ELF2: variants seen among roughly 807,000 people sequenced by gnomAD.
ELF2 encodes the protein E74 like ETS transcription factor 2.
A neutral mutation model predicts 54.8 loss-of-function variants in ELF2; 11 were observed. The ratio of observed to expected loss-of-function variants is 0.20; its 90% CI spans 0.13 to 0.33. The LOEUF is 0.33. ELF2 is among the 10% of genes least tolerant of loss of function. The probability of loss-of-function intolerance (pLI) is 1.00; values close to 1 mark genes in which losing one functional copy is unlikely to be tolerated. For synonymous variants in ELF2, 203 were observed against 245.1 expected (o/e 0.83, Z 1.61); for missense variants, 513 against 703.0 (o/e 0.73, Z 3.06).
Position 139,094,432 on chromosome 4 carries a change from G to A in ELF2, c.239-20865C>T, listed in dbSNP as rs537514207. ...TAAATTTTGGAGTGGTTTGCAGCAC[G>A]AGGATAAAAGTAGGAACTGAAGGTT... is the stretch of plus-strand genomic sequence containing the variant. On this transcript the variant is annotated intron_variant, in intron 4 of 9. Transcript: ENST00000686138. 5.9e-5 allele frequency among the ~76,000 whole-genome samples: 9 copies of A among 152,270 alleles called. No homozygotes were observed. In the East Asian group the frequency reaches 9.7e-4, roughly 16 times the overall value.
intron 1 of ELF2, among the ~76,000 whole-genome samples, chr4:139,161,265 T>G (rs1741113546): frequency 6.6e-6 from 1 of 152,178 alleles, no homozygotes; most frequent in Non-Finnish European, 1.5e-5. Flanking sequence ...TGGTTTTAAA[T>G]TTATTGATGA....
chr4:139,088,398 C>A lies in ELF2; in HGVS notation c.239-14831G>T, dbSNP rs73852766. ...GATTAACCAATTTCTTCCTTTCTTA[C>A]AATACTTTCTGAACTCTACCCACTG... is the stretch of plus-strand genomic sequence containing the variant. On this transcript the variant is annotated intron_variant, in intron 4 of 9. Coordinates refer to ENST00000686138, the MANE Select transcript of ELF2 (RefSeq NM_001331036.3). Among the ~76,000 whole-genome samples the A allele has an allele frequency of 3.7e-3, 559 of 151,848 alleles. 4 individuals carry two copies. The highest frequency in any genetic ancestry group is 0.013 in the African/African-American group (519 of 41,408).
At chr4:139,177,788 C>T (rs1209424618), upstream of ELF2, among the ~76,000 whole-genome samples, 1 of 152,196 alleles carries the variant, frequency 6.6e-6, no homozygotes, top group Admixed American at 6.5e-5. Context: ...CAACTCAGGA[C>T]TCTCGCCCTT....
At chr4:139,123,087 G>A (rs901926991) in intron 4 of ELF2, among the ~76,000 whole-genome samples, 2 of 151,626 alleles carry the variant, frequency 1.3e-5, no homozygotes, top group African/African-American at 2.4e-5. Context: ...GGGAGGCTGA[G>A]GCAGGAGAAT....
intron 4 of ELF2, among the ~76,000 whole-genome samples, chr4:139,103,357 G>A (rs187594603): frequency 4.6e-4 from 70 of 152,300 alleles, no homozygotes; most frequent in African/African-American, 1.6e-3. Flanking sequence ...GAAAGACCAA[G>A]GCAGGATTAT....
rs1727390641 is a variant in ELF2 at position 139,058,894 on chromosome 4, CTTCT to C, written c.*85_*88del. ...ATATGCATTAAAAATGTTTTAAAGTCTTCTTTGACTTTTCTTGATGACTTCCCTT... is the reference window on the plus strand; with the variant it reads ...ATATGCATTAAAAATGTTTTAAAGTCTTGACTTTTCTTGATGACTTCCCTT... On this transcript the variant is annotated 3_prime_UTR_variant, in exon 10 of 10. Coordinates refer to ENST00000686138, the MANE Select transcript of ELF2 (RefSeq NM_001331036.3). 1 of 1,499,850 alleles carries C rather than the reference CTTCT, an allele frequency of 6.7e-7. No homozygotes were observed. Among genetic ancestry groups the C allele is most frequent in the Non-Finnish European group, 8.9e-7 (1 of 1,125,422 alleles). The allele number at this position is 1,499,850 out of a possible 1,614,324, so 92.9% of individuals were successfully genotyped here.
intron 3 of ELF2, among the ~76,000 whole-genome samples, chr4:139,129,897 C>T (rs1419325265): frequency 6.6e-6 from 1 of 152,134 alleles, no homozygotes; most frequent in Non-Finnish European, 1.5e-5. Flanking sequence ...CTTTAACACT[C>T]TGAAATATAA....
rs369110308 is a variant in ELF2, at chr4:139,143,206, T to C, written c.-251-3709A>G. Among the ~76,000 whole-genome samples the C allele has an allele frequency of 2.8e-4, 43 of 152,244 alleles. 1 individual carries two copies. The East Asian group carries it at 7.5e-3, about 27-fold the overall frequency. On this transcript the variant is annotated intron_variant, in intron 1 of 9. Coordinates refer to ENST00000686138, the MANE Select transcript of ELF2 (RefSeq NM_001331036.3). ...TACCACCCATCCCCCAACTCGAGGG[T>C]AGACAGCTGTGCATGTGTTCCTGGA...
intron 4 of ELF2, among the ~76,000 whole-genome samples, chr4:139,098,757 C>T (rs1276116691): frequency 1.3e-5 from 2 of 152,184 alleles, no homozygotes; most frequent in East Asian, 3.8e-4. Context: ...CATGAGCCAC[C>T]GTGCCCGGCC....
chr4:139,104,170 G>A (rs1299370206), intron 4 of ELF2, among the ~76,000 whole-genome samples: 1 of 151,962 alleles, frequency 6.6e-6, no homozygotes, highest in African/African-American at 2.4e-5. Flanking sequence ...GAAAATAAAG[G>A]CTATAAAGCT....
chr4:139,114,968 G>T (rs544283094), intron 4 of ELF2: 2 of 1,613,630 alleles, frequency 1.2e-6, no homozygotes, highest in Non-Finnish European at 1.7e-6. Context: ...TGCATGCCCC[G>T]GATCTTGTCC....
Position 139,057,489 on chromosome 4 carries a change from A to G in ELF2, c.*1494T>C, listed in dbSNP as rs928615930. The G allele has an allele frequency of 1.3e-5, 2 of 152,248 alleles. No individual in the cohort carries two copies. Among genetic ancestry groups the G allele is most frequent in the Non-Finnish European group, 2.9e-5 (2 of 68,036 alleles). The allele number at this position is 152,248 out of a possible 1,614,324, so 9.4% of individuals were successfully genotyped here. A position where few individuals can be genotyped will look rare whatever the true frequency, so the allele number is the denominator to read the frequency against. On this transcript the variant is annotated 3_prime_UTR_variant, in exon 10 of 10. Transcript: ENST00000686138. ...GTGACAGACAGTAGTAAAATTACATAGTTTATGTAATCCTTCAGATACCTT... is the reference window on the plus strand; with the variant it reads ...GTGACAGACAGTAGTAAAATTACATGGTTTATGTAATCCTTCAGATACCTT...
chr4:139,060,236 T>G (rs1027730084), intron 9 of ELF2, 88 bp downstream of exon 9: 11 of 1,203,156 alleles, frequency 9.1e-6, no homozygotes, highest in Non-Finnish European at 1.1e-5. Context: ...CTTAGAACAC[T>G]AATATTAAGC....
chr4:139,157,707 T>C (rs935494993), intron 1 of ELF2, among the ~76,000 whole-genome samples: 4 of 152,216 alleles, frequency 2.6e-5, no homozygotes, highest in Admixed American at 2.0e-4. Flanking sequence ...CCCAGGGCTT[T>C]GGAGATATTT....
intron 4 of ELF2, among the ~76,000 whole-genome samples, chr4:139,074,240 T>G (rs1729948394): frequency 6.6e-6 from 1 of 152,206 alleles, no homozygotes; most frequent in Middle Eastern, 3.4e-3. Flanking sequence ...CAATACTAAC[T>G]TGTGGGAAGG....
rs937223653 is a variant in ELF2 at position 139,115,835 on chromosome 4, TTTTTG to T, written c.238+9324_238+9328del. Among the ~76,000 whole-genome samples the T allele has an allele frequency of 5.3e-5, 8 of 152,234 alleles. No homozygotes were observed. In the South Asian group the frequency reaches 8.3e-4, roughly 16 times the overall value. On this transcript the variant is annotated intron_variant, in intron 4 of 9. Transcript: ENST00000686138. ...TAAATGGAATAGTTTTTTGTTGTTG[TTTTTG>T]TTTTGTTTTGTTTTGTTTTTTGAGA...
chr4:139,108,528 T>C (rs1487841973), intron 4 of ELF2, among the ~76,000 whole-genome samples: 3 of 151,666 alleles, frequency 2.0e-5, no homozygotes, highest in Non-Finnish European at 4.4e-5. Flanking sequence ...GAGACCAGGG[T>C]TTCTGGACCT....
intron 1 of ELF2, among the ~76,000 whole-genome samples, chr4:139,142,625 A>G (rs763107943): frequency 6.6e-6 from 1 of 152,214 alleles, no homozygotes; most frequent in African/African-American, 2.4e-5. Flanking sequence ...AAGTAATTGC[A>G]GTTTTGCCAT....
chr4:139,150,518 CAA>C lies in ELF2; in HGVS notation c.-251-11023_-251-11022del, dbSNP rs34465260. 8.8e-3 allele frequency among the ~76,000 whole-genome samples: 676 copies of C among 76,820 alleles called. 1 individual carries two copies. The highest frequency in any genetic ancestry group is 0.031 in the African/African-American group (632 of 20,120). 50.4% of individuals were successfully genotyped at this position (76,820 alleles called of 152,430 possible). ...TGGGTGACAGAGTGAGACCCTGTCT[CAA>C]AAAAAAAAAAAAAAAAAATATGTGA... On this transcript the variant is annotated intron_variant, in intron 1 of 9. Transcript: ENST00000686138.
Sources: allele counts gnomAD v4.1 joint callset (sites outside exome capture counted in the v4.1 genomes callset), GRCh38; gene constraint gnomAD v4.1.1; transcripts MANE v1.5; gene names NCBI Gene and HGNC (gene_info 2026-07-23, HGNC 2026-07-21).